Variants in ANKRD6 observed in about 807,000 individuals in gnomAD.
ANKRD6 encodes ankyrin repeat domain 6.
Under a neutral mutation model 82.3 loss-of-function variants are expected in ANKRD6, and 56 were observed. The ratio of observed to expected loss-of-function variants is 0.68; its 90% CI spans 0.55 to 0.85. The LOEUF is 0.85. Ranked by LOEUF, ANKRD6 falls within the 40% of genes least tolerant of loss-of-function variation. The pLI is 0.00. For missense variants in ANKRD6, 852 were observed against 907.6 expected (o/e 0.94, Z 0.79); for synonymous variants, 347 against 352.1 (o/e 0.99, Z 0.16).
chr6:89,623,474 G>A lies in ANKRD6; in HGVS notation c.962G>A (p.Arg321Lys). 3.7e-6 allele frequency: 6 copies of A among 1,606,610 alleles called. No individual in the cohort carries two copies. Among genetic ancestry groups the A allele is most frequent in the South Asian group, 3.3e-5 (3 of 89,714 alleles). The change falls in exon 11 of 16, where the codon AGA (arginine) becomes AAA (lysine). Residue 321 changes from arginine to lysine, a missense_variant. Physicochemically the swap from Arg to Lys is conservative, Grantham distance 26. Transcript: ENST00000339746. ...EQAVARKEEA[R>K]EEFLSASPEP... ...GCTGTGGCCAGAAAAGAAGAAGCCA[G>A]AGAAGAGTTCCTGTCAGCCTCCCCA...
At position 89,630,957 on chromosome 6, in the gene ANKRD6, G is replaced by A. The variant is rs752131970; in HGVS notation, c.2137G>A (p.Glu713Lys). The stretch of plus-strand genomic sequence containing the variant: ...ATTGAAGGAACACATTAAAAGTTTA[G>A]AAGAGGAACTTGCCAAACTAAGGAC... ...ATLKEHIKSLEEELAKLRTRV... is the reference protein window; with the variant it reads ...ATLKEHIKSLKEELAKLRTRV... Residue 713 changes from glutamate to lysine, a missense_variant, in exon 16 of 16, where the codon GAA becomes AAA. Glu to Lys is a moderately conservative substitution (Grantham distance 56). Transcript: ENST00000339746. 9.4e-6 allele frequency: 15 copies of A among 1,591,862 alleles called. No individual in the cohort carries two copies. The highest frequency in any genetic ancestry group is 1.3e-5 in the Non-Finnish European group (15 of 1,169,750).
At chr6:89,604,728 C>T (rs1019636064) in intron 4 of ANKRD6, among the ~76,000 whole-genome samples, 1 of 152,148 alleles carries the variant, frequency 6.6e-6, no homozygotes, top group Non-Finnish European at 1.5e-5. Context: ...TGCAGTCAGT[C>T]CCACTGCCCG....
chr6:89,563,674 C>T (rs1374316919), intron 1 of ANKRD6, among the ~76,000 whole-genome samples: 2 of 152,202 alleles, frequency 1.3e-5, no homozygotes, highest in African/African-American at 2.4e-5. Context: ...CCCTTTCCCT[C>T]CCAATTTACT....
intron 5 of ANKRD6, among the ~76,000 whole-genome samples, chr6:89,611,458 G>A (rs994148157): frequency 1.3e-5 from 2 of 152,190 alleles, no homozygotes; most frequent in Non-Finnish European, 2.9e-5. Context: ...TACTTTTCTA[G>A]GGGTTATCAG....
chr6:89,624,120 G>A (rs926187054), intron 12 of ANKRD6, 63 bp downstream of exon 12: 68 of 1,494,176 alleles, frequency 4.6e-5, no homozygotes, highest in Middle Eastern at 1.8e-4. Context: ...TTTGTTTAAC[G>A]GCATTCCTGG....
chr6:89,513,261 A>C (rs1219969967), intron 1 of ANKRD6, among the ~76,000 whole-genome samples: 1 of 152,212 alleles, frequency 6.6e-6, no homozygotes, highest in Non-Finnish European at 1.5e-5. Flanking sequence ...TGAAAAGTGC[A>C]CAAACCGTAA....
intron 1 of ANKRD6, among the ~76,000 whole-genome samples, chr6:89,493,854 T>G (rs1187385306): frequency 1.3e-5 from 2 of 152,196 alleles, no homozygotes; most frequent in Non-Finnish European, 2.9e-5. Context: ...TTTTGTCATA[T>G]AAGGTAATAC....
intron 1 of ANKRD6, among the ~76,000 whole-genome samples, chr6:89,448,752 C>T (rs893893038): frequency 6.6e-5 from 10 of 152,236 alleles, no homozygotes; most frequent in East Asian, 3.9e-4. Context: ...GAAATATGGC[C>T]GGGTGCGGTG....
At chr6:89,478,789 TA>T (rs1431495455) in intron 1 of ANKRD6, among the ~76,000 whole-genome samples, 120 of 150,266 alleles carry the variant, frequency 8.0e-4, no homozygotes, top group East Asian at 1.2e-3. Context: ...AATACTTAAT[TA>T]AAAAAAAAAT....
At chr6:89,486,979 G>C (rs139504325) in intron 1 of ANKRD6, among the ~76,000 whole-genome samples, 2 of 152,130 alleles carry the variant, frequency 1.3e-5, no homozygotes, top group Admixed American at 6.5e-5. Flanking sequence ...TTTGGGGTTG[G>C]GGGGTGGACA....
intron 1 of ANKRD6, among the ~76,000 whole-genome samples, chr6:89,468,887 C>G (rs1775142986): frequency 6.6e-6 from 1 of 152,162 alleles, no homozygotes; most frequent in African/African-American, 2.4e-5. Flanking sequence ...CCTCCCGCCC[C>G]TTACCTCCTC....
intron 2 of ANKRD6, among the ~76,000 whole-genome samples, chr6:89,590,823 T>C (rs1331987130): frequency 6.6e-6 from 1 of 152,202 alleles, no homozygotes; most frequent in Non-Finnish European, 1.5e-5. Context: ...CAAGCCTCAG[T>C]TTCCTTATCT....
chr6:89,460,469 G>T (rs1190081642), intron 1 of ANKRD6, among the ~76,000 whole-genome samples: 1 of 151,800 alleles, frequency 6.6e-6, no homozygotes, highest in Non-Finnish European at 1.5e-5. Flanking sequence ...ACAAAGTCTC[G>T]CTTGTCGCCC....
chr6:89,618,055 G>A, intron 9 of ANKRD6, 24 bp downstream of exon 9: 3 of 1,612,814 alleles, frequency 1.9e-6, no homozygotes, highest in Non-Finnish European at 2.5e-6. Context: ...CCCTTTCCAT[G>A]GTACTGATTA....
At chr6:89,445,458 A>G (rs1412499930) in intron 1 of ANKRD6, among the ~76,000 whole-genome samples, 2 of 147,754 alleles carry the variant, frequency 1.4e-5, no homozygotes, top group African/African-American at 2.5e-5. Context: ...TTATTTATTT[A>G]TTTATTTGAC....
At chr6:89,459,283 G>A (rs1773850446) in intron 1 of ANKRD6, among the ~76,000 whole-genome samples, 1 of 152,098 alleles carries the variant, frequency 6.6e-6, no homozygotes, top group South Asian at 2.1e-4. Context: ...TCTCCATGTT[G>A]GTCAGGCTGG....
chr6:89,556,827 T>C (rs961280488), intron 1 of ANKRD6, among the ~76,000 whole-genome samples: 1 of 152,226 alleles, frequency 6.6e-6, no homozygotes, highest in African/African-American at 2.4e-5. Flanking sequence ...AGGTAGGAAC[T>C]GTTATCCCTT....
At chr6:89,443,183 G>A (rs1261231307) in intron 1 of ANKRD6, among the ~76,000 whole-genome samples, 2 of 152,100 alleles carry the variant, frequency 1.3e-5, no homozygotes, top group Non-Finnish European at 2.9e-5. Context: ...AGTTGTGCCT[G>A]AACTCCAAAA....
chr6:89,464,102 T>C (rs1379852325), intron 1 of ANKRD6, among the ~76,000 whole-genome samples: 1 of 152,116 alleles, frequency 6.6e-6, no homozygotes, highest in Admixed American at 6.5e-5. Flanking sequence ...CAAAACAAAA[T>C]AATTCTTTAT....
Sources: gnomAD v4.1 joint callset for allele counts (sites outside exome capture counted in the v4.1 genomes callset) on GRCh38, gnomAD v4.1.1 for gene constraint, MANE v1.5 for transcripts, NCBI Gene and HGNC (gene_info 2026-07-23, HGNC 2026-07-21) for gene names.